The following A1BG variants were observed in gnomAD, a reference collection of about 807,000 sequenced individuals.
A1BG encodes alpha-1-B glycoprotein.
Under a neutral mutation model 46.0 loss-of-function variants are expected in A1BG, and 44 were observed. That is an observed-to-expected ratio of 0.96 (90% CI 0.75 to 1.23). The LOEUF (loss-of-function observed/expected upper bound fraction) is 1.23, where lower values mean the gene tolerates loss of function less well. A1BG is among the 50% of genes most tolerant of loss of function. A1BG has a pLI of 0.00. For missense variants in A1BG, 707 were observed against 688.8 expected, an observed-to-expected ratio of 1.03 and a Z score of -0.30; for synonymous variants, 316 against 314.7, an observed-to-expected ratio of 1.00 and a Z score of -0.04.
chr19:58,352,594 C>G, intron 3 of A1BG, 39 bp from the exon 4 acceptor site: 1 of 1,588,244 alleles, frequency 6.3e-7, no homozygotes, highest in Non-Finnish European at 8.5e-7. Flanking sequence ...TTCTGCATAA[C>G]AGGAGACGTG....
At chr19:58,352,191 A>G (rs2051966306) in intron 4 of A1BG, 92 bp downstream of exon 4, 2 of 1,546,328 alleles carry the variant, frequency 1.3e-6, no homozygotes, top group South Asian at 2.5e-5. Context: ...GGTCCTGGGC[A>G]AGGACATTCA....
chr19:58,352,645 T>C, intron 3 of A1BG, 90 bp from the exon 4 acceptor site: 1 of 1,479,804 alleles, frequency 6.8e-7, no homozygotes, highest in Non-Finnish European at 9.1e-7. Context: ...CATAAGACTG[T>C]GAAGGAGACA....
At position 58,353,477 on chromosome 19, in the gene A1BG, G is replaced by A. The variant is rs1165902019; in HGVS notation, c.-40C>T. The A allele has an allele frequency of 1.3e-6, 2 of 1,584,376 alleles. No individual in the cohort carries two copies. The highest frequency in any genetic ancestry group is 1.7e-6 in the Non-Finnish European group (2 of 1,165,610). ...CTCCGGTGCAGTGAGTGTCTGGGGT[G>A]AGCGTCTGCAGCAATGAGGCCCCAA... On this transcript the variant is annotated 5_prime_UTR_variant, in exon 1 of 8. Transcript: ENST00000263100.
chr19:58,347,303 G>A, intron 7 of A1BG, 50 bp downstream of exon 7: 1 of 1,605,136 alleles, frequency 6.2e-7, no homozygotes, highest in Non-Finnish European at 8.5e-7. Flanking sequence ...GCACAGCCCA[G>A]GCAAACATCA....
intron 4 of A1BG, 105 bp from the exon 5 acceptor site, chr19:58,351,792 ATTCTTT>A (rs1024309878): frequency 8.3e-6 from 8 of 968,498 alleles, no homozygotes; most frequent in African/African-American, 8.0e-5. Flanking sequence ...ACACCCTTCC[ATTCTTT>A]TTTTTTTTTT....
Position 58,347,649 on chromosome 19 carries a change from A to G in A1BG, c.1193-9T>C, listed in dbSNP as rs1271060195. 6 of 1,385,780 alleles carry G rather than the reference A, an allele frequency of 4.3e-6. No homozygotes were observed. The highest frequency in any genetic ancestry group is 3.3e-5 in the Admixed American group (1 of 29,996). 85.8% of individuals were successfully genotyped at this position (1,385,780 alleles called of 1,614,324 possible). A position where few individuals can be genotyped will look rare whatever the true frequency, so the allele number is the denominator to read the frequency against. On this transcript the variant is annotated splice_polypyrimidine_tract_variant and intron_variant, in intron 6 of 7. Transcript: ENST00000263100. ...AGGCCTGGGAGGGGGTCCTGGGCGGAGCGGGCGGGTGGTCGGGCCAGGCCA... is the reference window on the plus strand; with the variant it reads ...AGGCCTGGGAGGGGGTCCTGGGCGGGGCGGGCGGGTGGTCGGGCCAGGCCA...
At chr19:58,351,336 G>C (rs1295232963) in intron 5 of A1BG, 55 bp downstream of exon 5, 3 of 1,585,880 alleles carry the variant, frequency 1.9e-6, no homozygotes, top group Admixed American at 1.7e-5. Context: ...ACCTGGTACT[G>C]CTCCTGCTCC....
At position 58,351,549 on chromosome 19, in the gene A1BG, AG is replaced by A. The variant is rs764833418; in HGVS notation, c.751del (p.Leu251TrpfsTer16). The A allele has an allele frequency of 2.4e-5, 38 of 1,613,836 alleles. No homozygotes were observed. Among genetic ancestry groups the A allele is most frequent in the Middle Eastern group, 1.6e-4 (1 of 6,084 alleles). On this transcript the variant is annotated frameshift_variant, in exon 5 of 8. Transcript: ENST00000263100. LOFTEE classifies it high-confidence loss of function. Reference sequence around the variant, plus strand: ...TGGGCTGGTGCTGCTCCTGGGTACCAGCAGCTCTTTCTCCCCGCGCCGTAGC... The same window carrying A: ...TGGGCTGGTGCTGCTCCTGGGTACCACAGCTCTTTCTCCCCGCGCCGTAGC... ...FQLRRGEKEL[L>X]VPRSSTSPDR...
In A1BG at chr19:58,346,575, C is replaced by T. The variant is rs577554745; in HGVS notation, c.*447G>A. ...CCTGTCTACAAAAAATAATAATTAG[C>T]CAGACGTGGCGATGCATGCCCAGGC... On this transcript the variant is annotated 3_prime_UTR_variant, in exon 8 of 8. Coordinates refer to ENST00000263100, the MANE Select transcript of A1BG (RefSeq NM_130786.4). 78 of 256,442 alleles carry T rather than the reference C, an allele frequency of 3.0e-4. No individual in the cohort carries two copies. The highest frequency in any genetic ancestry group is 1.7e-3 in the African/African-American group (72 of 42,972). 15.9% of individuals were successfully genotyped at this position (256,442 alleles called of 1,614,324 possible). A position where few individuals can be genotyped will look rare whatever the true frequency, so the allele number is the denominator to read the frequency against.
At position 58,347,019 on chromosome 19, in the gene A1BG, G is replaced by A. The variant is rs1483412749; in HGVS notation, c.*3C>T. On this transcript the variant is annotated 3_prime_UTR_variant, in exon 8 of 8. Transcript: ENST00000263100. ...CCAACAGCACCCTGGGCCCGCGGCT[G>A]CATCAGCTTTCTAGACAACGGGAGA... 2 of 1,614,108 alleles carry A rather than the reference G, an allele frequency of 1.2e-6. No homozygotes were observed. Among genetic ancestry groups the A allele is most frequent in the Non-Finnish European group, 1.7e-6 (2 of 1,179,998 alleles).
At chr19:58,352,649 G>A in intron 3 of A1BG, 94 bp from the exon 4 acceptor site, 3 of 1,463,352 alleles carry the variant, frequency 2.1e-6, no homozygotes, top group Non-Finnish European at 2.8e-6. Context: ...AGACTGTGAA[G>A]GAGACAGGGA....
rs377700571 is a variant in A1BG, at chr19:58,351,385, G to A, written c.910+6C>T. The A allele has an allele frequency of 8.7e-6, 14 of 1,607,502 alleles. No homozygotes were observed. The highest frequency in any genetic ancestry group is 1.1e-5 in the Non-Finnish European group (13 of 1,179,310). ...CGCGTCCCTGTCCCTGCTGGCCCCGGCTCACCATCGCTCAGAATCAGCTCG... is the reference window on the plus strand; with the variant it reads ...CGCGTCCCTGTCCCTGCTGGCCCCGACTCACCATCGCTCAGAATCAGCTCG... On this transcript the variant is annotated splice_donor_region_variant and intron_variant, in intron 5 of 7. Transcript: ENST00000263100.
In A1BG at chr19:58,351,427, C is replaced by T; in HGVS notation, c.874G>A (p.Gly292Arg). ...RLHDNQNGWS[G>R]DSAPVELILS... The stretch of plus-strand genomic sequence containing the variant: ...ATCAGCTCGACCGGCGCGCTGTCCC[C>T]GGACCAGCCGTTTTGGTTGTCATGC... Residue 292 changes from glycine (G) to arginine (R), a missense_variant, in exon 5 of 8, where the codon GGG becomes AGG. By Grantham distance (125) the Gly-to-Arg change is moderately radical. Coordinates refer to ENST00000263100, the MANE Select transcript of A1BG (RefSeq NM_130786.4). 10 of 1,612,976 alleles carry T rather than the reference C, an allele frequency of 6.2e-6. No individual in the cohort carries two copies. The highest frequency in any genetic ancestry group is 2.2e-5 in the South Asian group (2 of 91,074).
At position 58,349,466 on chromosome 19, in the gene A1BG, C is replaced by T. The variant is rs1337733715; in HGVS notation, c.1192+904G>A. 6 of 151,830 alleles carry T rather than the reference C, an allele frequency of 4.0e-5. No individual in the cohort carries two copies. The East Asian group carries it at 1.2e-3, about 30-fold the overall frequency. The allele number at this position is 151,830 out of a possible 1,614,324, so 9.4% of individuals were successfully genotyped here. The stretch of plus-strand genomic sequence containing the variant: ...AGGAGGTCAAGACCAGCCCAGCCAA[C>T]ATAGCAAAACCCGGTCTCTACTAAA... On this transcript the variant is annotated intron_variant, in intron 6 of 7. Transcript: ENST00000263100.
chr19:58,350,204 C>G (rs117429395), intron 6 of A1BG, 166 bp downstream of exon 6: 4 of 925,752 alleles, frequency 4.3e-6, no homozygotes, highest in Non-Finnish European at 6.2e-6. Context: ...CCAGGCGTCC[C>G]CAGACCCTCG....
At chr19:58,351,253 C>T in intron 5 of A1BG, 138 bp downstream of exon 5, 1 of 1,107,088 alleles carries the variant, frequency 9.0e-7, no homozygotes, top group Non-Finnish European at 1.3e-6. Flanking sequence ...GTTTAGGACC[C>T]TGAATCGGCG....
Position 58,353,202 on chromosome 19 carries a change from A to G in A1BG, c.71-5T>C. 1 of 1,613,498 alleles carries G rather than the reference A, an allele frequency of 6.2e-7. No homozygotes were observed. The highest frequency in any genetic ancestry group is 8.5e-7 in the Non-Finnish European group (1 of 1,179,594). ...GGCTGGGCTGCGTCTCATAAACTGC[A>G]AGGGGTGGCTGGGATCAGCTCAGTG... On this transcript the variant is annotated splice_polypyrimidine_tract_variant and splice_region_variant and intron_variant, in intron 2 of 7. Coordinates refer to ENST00000263100, the MANE Select transcript of A1BG (RefSeq NM_130786.4).
At position 58,353,320 on chromosome 19, in the gene A1BG, G is replaced by C; in HGVS notation, c.42C>G (p.Thr14=). ...TGGCTGCTTCTGTCACTGGGCCCCA[G>C]GTGACACCTGCGGAGACAGCCCCCG... ...LVVFLLLWGV[T]WGPVTEAAIF... is the part of the protein sequence containing the mutation. The change falls in exon 2 of 8, where the codon ACC becomes ACG. Residue 14 remains threonine, a synonymous_variant. Coordinates refer to ENST00000263100, the MANE Select transcript of A1BG (RefSeq NM_130786.4). 1.2e-6 allele frequency: 2 copies of C among 1,612,446 alleles called. No homozygotes were observed. The highest frequency in any genetic ancestry group is 1.1e-5 in the South Asian group (1 of 90,936).
chr19:58,351,795 CTTTTTTTTTT>C (rs11452992), intron 4 of A1BG, 108 bp from the exon 5 acceptor site: 2 of 760,742 alleles, frequency 2.6e-6, no homozygotes, highest in Non-Finnish European at 2.0e-6. Flanking sequence ...CCCTTCCATT[CTTTTTTTTTT>C]TTTTTTTTGA....
Sources: gnomAD v4.1 joint callset for allele counts on GRCh38, gnomAD v4.1.1 for gene constraint, MANE v1.5 for transcripts, NCBI Gene and HGNC (gene_info 2026-07-23, HGNC 2026-07-21) for gene names.